Variants in ARPP19 observed in about 807,000 individuals in gnomAD.
ARPP19 encodes the protein cAMP regulated phosphoprotein 19.
ARPP19 carries 8 observed loss-of-function variants against 12.0 expected under a neutral mutation model. That is an observed-to-expected ratio of 0.67 (90% CI 0.39 to 1.21). The LOEUF is 1.21. Ranked by LOEUF, ARPP19 falls within the 50% of genes most tolerant of loss-of-function variation. The pLI, the probability that ARPP19 is intolerant of heterozygous loss-of-function variation, is 0.01. For missense variants in ARPP19, 102 were observed against 136.3 expected (o/e 0.75, Z 1.25); for synonymous variants, 47 against 50.4 (o/e 0.93, Z 0.29).
chr15:52,566,065 A>C (rs1947533956), intron 1 of ARPP19, among the ~76,000 whole-genome samples: 1 of 152,196 alleles, frequency 6.6e-6, no homozygotes, highest in Admixed American at 6.5e-5. Flanking sequence ...CATATTGGCC[A>C]GGCTGGTATC....
chr15:52,557,020 C>A, intron 2 of ARPP19, 80 bp downstream of exon 2: 1 of 1,441,006 alleles, frequency 6.9e-7, no homozygotes, highest in East Asian at 2.3e-5. Context: ...ATGCTATACG[C>A]ACAGATATCC....
chr15:52,568,000 C>T (rs1292675380), intron 1 of ARPP19, among the ~76,000 whole-genome samples: 2 of 152,156 alleles, frequency 1.3e-5, no homozygotes, highest in African/African-American at 4.8e-5. Flanking sequence ...CCTAGGAGGG[C>T]AGGGCGGTGG....
At chr15:52,563,338 G>A (rs1257292026) in intron 1 of ARPP19, among the ~76,000 whole-genome samples, 1 of 152,100 alleles carries the variant, frequency 6.6e-6, no homozygotes, top group Non-Finnish European at 1.5e-5. Flanking sequence ...GCAGAATTCT[G>A]AACTTTTGGC....
At chr15:52,554,449 G>A (rs201744848) in intron 2 of ARPP19, among the ~76,000 whole-genome samples, 2 of 11,988 alleles carry the variant, frequency 1.7e-4, no homozygotes, top group East Asian at 0.022. Context: ...ATAGAGAAGT[G>A]AACTAATGTT....
chr15:52,551,853 G>A lies in ARPP19; in HGVS notation c.*81C>T. The A allele has an allele frequency of 1.8e-5, 19 of 1,077,082 alleles. No individual in the cohort carries two copies. Among genetic ancestry groups the A allele is most frequent in the Non-Finnish European group, 2.6e-5 (19 of 723,732 alleles). The allele number at this position is 1,077,082 out of a possible 1,614,324, so 66.7% of individuals were successfully genotyped here. A position where few individuals can be genotyped will look rare whatever the true frequency, so the allele number is the denominator to read the frequency against. ...TGTCAGTCTCAAATGACTAGTGAAT[G>A]AAAGGAAATAAAAAGTAGATAAGTA... is the stretch of plus-strand genomic sequence containing the variant. On this transcript the variant is annotated 3_prime_UTR_variant, in exon 3 of 3. Coordinates refer to ENST00000249822, the MANE Select transcript of ARPP19 (RefSeq NM_006628.6).
intron 1 of ARPP19, among the ~76,000 whole-genome samples, chr15:52,568,114 A>G (rs549234670): frequency 1.3e-5 from 2 of 152,388 alleles, no homozygotes; most frequent in East Asian, 1.9e-4. Flanking sequence ...CCCCTACATC[A>G]GGAAGACACA....
In ARPP19 at chr15:52,553,464, C is replaced by A. The variant is rs112313002; in HGVS notation, c.169-1360G>T. Among the ~76,000 whole-genome samples the A allele has an allele frequency of 5.5e-3, 844 of 152,274 alleles. 3 individuals are homozygous for A. The highest frequency in any genetic ancestry group is 9.9e-3 in the Admixed American group (151 of 15,294). ...AAACATAAATTTGCCTGGGTTCTAA[C>A]TTACACCTATCATGCTGAGCCCATC... On this transcript the variant is annotated intron_variant, in intron 2 of 2. Transcript: ENST00000249822.
rs2077937108 is a variant in ARPP19 at position 52,552,045 on chromosome 15, T to C, written c.228A>G (p.Gln76=). ...NMAKAKMKNK[Q]LPTAAPDKTE... ...TCTTATCCGGAGCTGCAGTAGGAAG[T>C]TGCTTGTTCTTCATTTTTGCTTTAG... The change falls in exon 3 of 3, where the codon CAA becomes CAG. Residue 76 remains glutamine (Q), a synonymous_variant. Coordinates refer to ENST00000249822, the MANE Select transcript of ARPP19 (RefSeq NM_006628.6). The C allele has an allele frequency of 6.2e-7, 1 of 1,613,680 alleles. No individual in the cohort carries two copies. The highest frequency in any genetic ancestry group is 8.5e-7 in the Non-Finnish European group (1 of 1,179,544).
At chr15:52,566,494 C>T (rs1785857280) in intron 1 of ARPP19, among the ~76,000 whole-genome samples, 1 of 152,172 alleles carries the variant, frequency 6.6e-6, no homozygotes, top group South Asian at 2.1e-4. Context: ...AAGTAGCTCA[C>T]TGTAGCCTCG....
chr15:52,560,438 G>A (rs1022787375), intron 1 of ARPP19, among the ~76,000 whole-genome samples: 1 of 152,112 alleles, frequency 6.6e-6, no homozygotes, highest in Non-Finnish European at 1.5e-5. Context: ...ACATGTCTTA[G>A]AAAAAAACAA....
At position 52,549,701 on chromosome 15, in the gene ARPP19, G is replaced by T. The variant is rs1269647714; in HGVS notation, c.*2233C>A. On this transcript the variant is annotated 3_prime_UTR_variant, in exon 3 of 3. Transcript: ENST00000249822. ...GTTCTATCGTGGTCAGGAATAACAT[G>T]GTCTCTGATCTTTCAGATTAATCTT... 1 of 152,398 alleles carries T rather than the reference G, an allele frequency of 6.6e-6. No individual in the cohort carries two copies. Among genetic ancestry groups the T allele is most frequent in the Non-Finnish European group, 1.5e-5 (1 of 68,008 alleles). 9.4% of individuals were successfully genotyped at this position (152,398 alleles called of 1,614,324 possible).
chr15:52,566,763 T>A (rs2078086027), intron 1 of ARPP19, among the ~76,000 whole-genome samples: 1 of 152,168 alleles, frequency 6.6e-6, no homozygotes, highest in Non-Finnish European at 1.5e-5. Context: ...GTATACAAGT[T>A]AAGAGATAAG....
In ARPP19 at chr15:52,550,275, A is replaced by G. The variant is rs1378131574; in HGVS notation, c.*1659T>C. ...CTAGATAAGCCACAAGTAAAACTAA[A>G]TTGGTATTTTACTAAAGTGACATCT... On this transcript the variant is annotated 3_prime_UTR_variant, in exon 3 of 3. Transcript: ENST00000249822. The G allele has an allele frequency of 1.3e-5, 2 of 152,228 alleles. No homozygotes were observed. Among genetic ancestry groups the G allele is most frequent in the African/African-American group, 4.8e-5 (2 of 41,464 alleles). The allele number at this position is 152,228 out of a possible 1,614,324, so 9.4% of individuals were successfully genotyped here.
intron 1 of ARPP19, among the ~76,000 whole-genome samples, chr15:52,563,743 T>C (rs1379591882): frequency 6.6e-6 from 1 of 152,234 alleles, no homozygotes; most frequent in Non-Finnish European, 1.5e-5. Flanking sequence ...AATTCTCCTC[T>C]ATCTGCTCAG....
At chr15:52,568,091 C>T (rs2078102699) in intron 1 of ARPP19, among the ~76,000 whole-genome samples, 1 of 152,230 alleles carries the variant, frequency 6.6e-6, no homozygotes, top group Admixed American at 6.5e-5. Flanking sequence ...CACAGTGACA[C>T]TCCCGGCCTA....
intron 1 of ARPP19, among the ~76,000 whole-genome samples, chr15:52,567,091 A>T (rs1330018858): frequency 6.6e-6 from 1 of 152,232 alleles, no homozygotes; most frequent in Non-Finnish European, 1.5e-5. Context: ...TTTGGCCCAC[A>T]GGAACACAGA....
At chr15:52,557,427 C>T in intron 1 of ARPP19, 3 of 514,666 alleles carry the variant, frequency 5.8e-6, no homozygotes, top group Non-Finnish European at 1.0e-5. Flanking sequence ...AGCTGTGATG[C>T]ATGTGTAACA....
At chr15:52,555,496 T>C (rs2077973527) in intron 2 of ARPP19, among the ~76,000 whole-genome samples, 1 of 152,144 alleles carries the variant, frequency 6.6e-6, no homozygotes, top group African/African-American at 2.4e-5. Context: ...AACCACATAA[T>C]ACTATTTTAT....
chr15:52,561,024 C>G (rs192574898), intron 1 of ARPP19, among the ~76,000 whole-genome samples: 2 of 152,328 alleles, frequency 1.3e-5, no homozygotes, highest in Admixed American at 1.3e-4. Context: ...TAATTTGTAA[C>G]CTTATTCCCT....
Sources: allele counts gnomAD v4.1 joint callset (sites outside exome capture counted in the v4.1 genomes callset), GRCh38; gene constraint gnomAD v4.1.1; transcripts MANE v1.5; gene names NCBI Gene and HGNC (gene_info 2026-07-23, HGNC 2026-07-21).